ERBB4: variants seen among roughly 807,000 people sequenced by gnomAD.
ERBB4 encodes receptor tyrosine-protein kinase erbB-4.
Under a neutral mutation model 158.0 loss-of-function variants are expected in ERBB4, and 42 were observed. The observed-to-expected ratio is 0.27, with a 90% confidence interval of 0.21 to 0.34. The LOEUF (loss-of-function observed/expected upper bound fraction) is 0.34. Ranked by LOEUF, ERBB4 falls within the 10% of genes least tolerant of loss-of-function variation. ERBB4 has a pLI of 1.00. For synonymous variants in ERBB4, 583 were observed against 558.7 expected, an observed-to-expected ratio of 1.04 and a Z score of -0.61; for missense variants, 1,333 against 1,624.1, an observed-to-expected ratio of 0.82 and a Z score of 3.08.
Position 211,745,092 on chromosome 2 carries a change from ATATAAG to A in ERBB4, c.622+5541_622+5546del, listed in dbSNP as rs576882743. 2.6e-3 allele frequency among the ~76,000 whole-genome samples: 391 copies of A among 152,348 alleles called. 3 individuals carry two copies. Among genetic ancestry groups the A allele is most frequent in the African/African-American group, 8.8e-3 (367 of 41,586 alleles). ...TTTTTAAAAGTTAAGTCAGGGTCAG[ATATAAG>A]TATATCTTTAGTGGACCTAAGAGTA... On this transcript the variant is annotated intron_variant, in intron 5 of 27. Coordinates refer to ENST00000342788, the MANE Select transcript of ERBB4 (RefSeq NM_005235.3).
intron 16 of ERBB4, among the ~76,000 whole-genome samples, chr2:211,646,525 C>T (rs894373210): frequency 2.6e-5 from 4 of 151,384 alleles, no homozygotes; most frequent in African/African-American, 9.7e-5. Context: ...TAAGGGAATT[C>T]CATCATAATT....
intron 20 of ERBB4, among the ~76,000 whole-genome samples, chr2:211,489,601 A>T (rs900857811): frequency 2.6e-5 from 4 of 152,016 alleles, no homozygotes. Context: ...TAATGTCAAC[A>T]ATTTAATTAT....
chr2:211,444,474 A>G (rs2064062560), intron 20 of ERBB4, among the ~76,000 whole-genome samples: 2 of 152,076 alleles, frequency 1.3e-5, no homozygotes, highest in African/African-American at 4.8e-5. Flanking sequence ...TATCATTCAC[A>G]TTTTTAAAAT....
At chr2:211,523,016 G>C (rs1226716233) in intron 20 of ERBB4, among the ~76,000 whole-genome samples, 1 of 150,856 alleles carries the variant, frequency 6.6e-6, no homozygotes, top group Non-Finnish European at 1.5e-5. Flanking sequence ...TCTTACTGTA[G>C]CAAAGTGAGA....
intron 2 of ERBB4, among the ~76,000 whole-genome samples, chr2:212,056,054 T>C (rs1054915033): frequency 1.3e-5 from 2 of 152,118 alleles, no homozygotes; most frequent in Non-Finnish European, 2.9e-5. Flanking sequence ...AATGGGTAAC[T>C]AGAATAACCA....
intron 12 of ERBB4, among the ~76,000 whole-genome samples, chr2:211,685,216 C>G (rs982608191): frequency 3.3e-5 from 5 of 152,122 alleles, no homozygotes; most frequent in African/African-American, 1.2e-4. Flanking sequence ...CTCTAAATCC[C>G]TAATGATTTC....
At chr2:211,704,664 T>C (rs1044171048) in intron 10 of ERBB4, among the ~76,000 whole-genome samples, 3 of 152,208 alleles carry the variant, frequency 2.0e-5, no homozygotes, top group African/African-American at 2.4e-5. Context: ...ACACATTACA[T>C]GCTTAATATG....
intron 19 of ERBB4, among the ~76,000 whole-genome samples, chr2:211,580,388 T>C (rs1343353678): frequency 6.6e-6 from 1 of 151,736 alleles, no homozygotes; most frequent in Non-Finnish European, 1.5e-5. Context: ...AACAAACATA[T>C]GAAAAAATGC....
intron 2 of ERBB4, among the ~76,000 whole-genome samples, chr2:212,112,707 T>C (rs924207066): frequency 2.0e-5 from 3 of 152,146 alleles, no homozygotes; most frequent in Non-Finnish European, 1.5e-5. Flanking sequence ...AGGGTTGTAA[T>C]AAGGAGTGGG....
intron 1 of ERBB4, among the ~76,000 whole-genome samples, chr2:212,142,621 A>T (rs1575695378): frequency 6.8e-6 from 1 of 147,848 alleles, no homozygotes; most frequent in Non-Finnish European, 1.5e-5. Context: ...ATATATATAT[A>T]ATATATATAA....
At chr2:211,790,941 C>T (rs1158855160) in intron 3 of ERBB4, among the ~76,000 whole-genome samples, 1 of 151,724 alleles carries the variant, frequency 6.6e-6, no homozygotes, top group Non-Finnish European at 1.5e-5. Context: ...AATTTGATTA[C>T]CTAAATATGT....
chr2:211,888,717 C>A (rs571051383), intron 3 of ERBB4, among the ~76,000 whole-genome samples: 4 of 151,132 alleles, frequency 2.6e-5, no homozygotes, highest in Non-Finnish European at 5.9e-5. Context: ...CGAAGCAGGG[C>A]GAGGCATTGC....
intron 1 of ERBB4, among the ~76,000 whole-genome samples, chr2:212,419,126 G>C (rs1002644720): frequency 6.7e-6 from 1 of 150,178 alleles, no homozygotes; most frequent in African/African-American, 2.4e-5. Flanking sequence ...TAACATTTCA[G>C]TTAAGGGCAC....
chr2:212,432,933 G>A (rs2092060955), intron 1 of ERBB4, among the ~76,000 whole-genome samples: 1 of 152,004 alleles, frequency 6.6e-6, no homozygotes, highest in Admixed American at 6.6e-5. Flanking sequence ...ATGATACAGT[G>A]TTACATGGTA....
intron 1 of ERBB4, among the ~76,000 whole-genome samples, chr2:212,306,809 C>CA (rs2086828548): frequency 6.6e-6 from 1 of 150,974 alleles, no homozygotes. Flanking sequence ...GAGTTACTTA[C>CA]AAATTTACTT....
chr2:212,188,267 T>TCCCCC (rs2082089591), intron 1 of ERBB4, among the ~76,000 whole-genome samples: 1 of 13,994 alleles, frequency 7.1e-5, no homozygotes, highest in African/African-American at 1.1e-4. Flanking sequence ...TCCCTCCCTC[T>TCCCCC]TCTCTCCCTC....
chr2:212,050,701 G>T (rs992363401), intron 2 of ERBB4, among the ~76,000 whole-genome samples: 2 of 152,080 alleles, frequency 1.3e-5, no homozygotes, highest in African/African-American at 2.4e-5. Flanking sequence ...GTGCTAGTAT[G>T]GAAAATAAAT....
At chr2:211,825,453 A>G (rs2077081183) in intron 3 of ERBB4, among the ~76,000 whole-genome samples, 1 of 151,844 alleles carries the variant, frequency 6.6e-6, no homozygotes, top group African/African-American at 2.4e-5. Context: ...TCTGACTTCT[A>G]TAACTTAGCA....
In ERBB4 at chr2:211,868,917, A is replaced by G. The variant is rs78936581; in HGVS notation, c.421+78513T>C. On this transcript the variant is annotated intron_variant, in intron 3 of 27. Transcript: ENST00000342788. ...ATTTTCCTTACCTCTCAATAAATCT[A>G]TTGCAACAGCCTCCTAACCATGATG... 9.6e-3 allele frequency among the ~76,000 whole-genome samples: 1,455 copies of G among 152,218 alleles called. 31 individuals are homozygous for G. Among genetic ancestry groups the G allele is most frequent in the African/African-American group, 0.033 (1,380 of 41,538 alleles).
Sources: allele counts gnomAD v4.1 joint callset (sites outside exome capture counted in the v4.1 genomes callset), GRCh38; gene constraint gnomAD v4.1.1; transcripts MANE v1.5; gene names NCBI Gene and HGNC (gene_info 2026-07-23, HGNC 2026-07-21).